RASGEF1C: variants seen among roughly 807,000 people sequenced by gnomAD.
RASGEF1C encodes the protein RasGEF domain family member 1C, also known as ras-GEF domain-containing family member 1C.
Under a neutral mutation model 58.1 loss-of-function variants are expected in RASGEF1C, and 27 were observed. The observed-to-expected ratio is 0.46, with a 90% CI of 0.34 to 0.64. RASGEF1C has a LOEUF of 0.64. RASGEF1C is among the 30% of genes least tolerant of loss of function. RASGEF1C has a pLI of 0.01. For synonymous variants in RASGEF1C, 243 were observed against 246.3 expected, an observed-to-expected ratio of 0.99 and a Z score of 0.13; for missense variants, 502 against 605.1, an observed-to-expected ratio of 0.83 and a Z score of 1.79.
intron 1 of RASGEF1C, among the ~76,000 whole-genome samples, chr5:180,192,422 C>T (rs1304485481): frequency 6.6e-6 from 1 of 152,152 alleles, no homozygotes; most frequent in African/African-American, 2.4e-5. Flanking sequence ...TAGGCTGACA[C>T]ATGTTGTGTT....
intron 1 of RASGEF1C, among the ~76,000 whole-genome samples, chr5:180,202,458 T>C (rs1313856434): frequency 6.6e-6 from 1 of 152,014 alleles, no homozygotes; most frequent in African/African-American, 2.4e-5. Context: ...GATTAAACTT[T>C]AAAAATAAAG....
chr5:180,205,539 C>T lies in RASGEF1C; in HGVS notation c.-7+3489G>A, dbSNP rs139570690. On this transcript the variant is annotated intron_variant, in intron 1 of 13. Coordinates refer to ENST00000361132, the MANE Select transcript of RASGEF1C (RefSeq NM_175062.4). ...ACAAGCCTAATATAAACTTAATACG[C>T]TCTCCTTCCCCGCCCGAACAGCAGC... 5.5e-4 allele frequency among the ~76,000 whole-genome samples: 83 copies of T among 152,166 alleles called. No homozygotes were observed. In the East Asian group the frequency reaches 0.014, roughly 25 times the overall value.
chr5:180,199,767 C>T lies in RASGEF1C; in HGVS notation c.-7+9261G>A, dbSNP rs543673081. Among the ~76,000 whole-genome samples the T allele has an allele frequency of 4.7e-5, 7 of 147,780 alleles. No individual in the cohort carries two copies. The South Asian group carries it at 6.8e-4, about 14-fold the overall frequency. Reference sequence around the variant, plus strand: ...GTAGCCTTGAACCCCTGACCTCAAGCGATTCTCCCACCACAGCCTCCCAAA... The same window carrying T: ...GTAGCCTTGAACCCCTGACCTCAAGTGATTCTCCCACCACAGCCTCCCAAA... On this transcript the variant is annotated intron_variant, in intron 1 of 13. Coordinates refer to ENST00000361132, the MANE Select transcript of RASGEF1C (RefSeq NM_175062.4).
At chr5:180,185,236 G>A (rs1327723470) in intron 1 of RASGEF1C, among the ~76,000 whole-genome samples, 1 of 150,984 alleles carries the variant, frequency 6.6e-6, no homozygotes, top group Non-Finnish European at 1.5e-5. Context: ...AGCTTGCAGT[G>A]AGCGAGATCG....
rs965363554 is a variant in RASGEF1C at position 180,207,668 on chromosome 5, C to T, written c.-7+1360G>A. Among the ~76,000 whole-genome samples, 62 of 151,778 alleles carry T rather than the reference C, an allele frequency of 4.1e-4. 1 individual carries two copies. Among genetic ancestry groups the T allele is most frequent in the Admixed American group, 4.1e-3 (62 of 15,256 alleles). ...CTCCTGCCCCGGCAGTGCGCCCACC[C>T]GCCGCCACGGGCAGCCTTTCGACGC... On this transcript the variant is annotated intron_variant, in intron 1 of 13. Transcript: ENST00000361132.
At chr5:180,121,306 T>C (rs1766163745) in intron 6 of RASGEF1C, among the ~76,000 whole-genome samples, 157 bp from the exon 7 acceptor site, 2 of 149,926 alleles carry the variant, frequency 1.3e-5, no homozygotes, top group Admixed American at 1.3e-4. Flanking sequence ...CTTTCAGTCC[T>C]CTTAAAAGTA....
At chr5:180,170,546 C>T (rs899899217) in intron 1 of RASGEF1C, among the ~76,000 whole-genome samples, 7 of 152,138 alleles carry the variant, frequency 4.6e-5, no homozygotes, top group Admixed American at 1.3e-4. Context: ...GCCTGGTCCT[C>T]GCCTGTCCCC....
chr5:180,142,107 G>A (rs1225131702), intron 1 of RASGEF1C, among the ~76,000 whole-genome samples: 1 of 152,142 alleles, frequency 6.6e-6, no homozygotes, highest in Non-Finnish European at 1.5e-5. Flanking sequence ...GGGCTGCATA[G>A]ATGGGCTGTC....
intron 1 of RASGEF1C, among the ~76,000 whole-genome samples, chr5:180,169,971 A>C (rs1036078996): frequency 9.9e-5 from 15 of 152,012 alleles, no homozygotes; most frequent in Middle Eastern, 3.4e-3. Context: ...TTCCGTGACC[A>C]CTGCTCCACA....
chr5:180,167,750 T>C (rs1050404453), intron 1 of RASGEF1C, among the ~76,000 whole-genome samples: 1 of 152,270 alleles, frequency 6.6e-6, no homozygotes, highest in African/African-American at 2.4e-5. Flanking sequence ...CTGTGCAGGT[T>C]GAGATTTTCC....
At chr5:180,118,555 C>T in intron 10 of RASGEF1C, 54 bp downstream of exon 10, 2 of 1,475,916 alleles carry the variant, frequency 1.4e-6, no homozygotes, top group South Asian at 2.6e-5. Context: ...AACTCTGAGC[C>T]AGCACCCAGG....
At chr5:180,174,472 ATGTG>A (rs746917701) in intron 1 of RASGEF1C, among the ~76,000 whole-genome samples, 1 of 104,330 alleles carries the variant, frequency 9.6e-6, no homozygotes, top group East Asian at 3.2e-4. Flanking sequence ...GTCTGTGTGT[ATGTG>A]TGTCTGTGTG....
Position 180,152,551 on chromosome 5 carries a change from C to T in RASGEF1C, c.-6-14493G>A, listed in dbSNP as rs1359896001. Among the ~76,000 whole-genome samples the T allele has an allele frequency of 5.3e-3, 529 of 100,762 alleles. 2 individuals are homozygous for T. Among genetic ancestry groups the T allele is most frequent in the African/African-American group, 0.014 (335 of 24,022 alleles). 66.1% of individuals were successfully genotyped at this position (100,762 alleles called of 152,430 possible). A position where few individuals can be genotyped will look rare whatever the true frequency, so the allele number is the denominator to read the frequency against. On this transcript the variant is annotated intron_variant, in intron 1 of 13. Transcript: ENST00000361132. ...ACACAGGAAGGGGAACATCACACAC[C>T]GGGGCCTGTTGTGGGGTGGGGGGAG...
chr5:180,208,996 C>CG (rs1756547127), intron 1 of RASGEF1C, 32 bp downstream of exon 1: 1 of 147,100 alleles, frequency 6.8e-6, no homozygotes, highest in Non-Finnish European at 1.5e-5. Context: ...TTGCCCGCAC[C>CG]GCCAGGTGTC....
intron 1 of RASGEF1C, among the ~76,000 whole-genome samples, chr5:180,166,995 T>C (rs1767033081): frequency 6.6e-6 from 1 of 152,210 alleles, no homozygotes; most frequent in Non-Finnish European, 1.5e-5. Context: ...ATTTTTTCTT[T>C]GACTTAATTT....
intron 1 of RASGEF1C, among the ~76,000 whole-genome samples, chr5:180,152,505 T>A (rs1411467353): frequency 7.3e-6 from 1 of 137,018 alleles, no homozygotes; most frequent in South Asian, 2.3e-4. Context: ...TAGGTGGGAA[T>A]TGAACAATGA....
At chr5:180,108,873 T>C (rs901295653) in intron 12 of RASGEF1C, among the ~76,000 whole-genome samples, 1 of 152,130 alleles carries the variant, frequency 6.6e-6, no homozygotes, top group Non-Finnish European at 1.5e-5. Context: ...CTCCACTTTT[T>C]TGGGGTTGTG....
chr5:180,181,450 T>C (rs1191233157), intron 1 of RASGEF1C, among the ~76,000 whole-genome samples: 1 of 152,092 alleles, frequency 6.6e-6, no homozygotes, highest in Non-Finnish European at 1.5e-5. Context: ...GCAAATGTAA[T>C]GAGTGAAGAG....
rs189179899 is a variant in RASGEF1C at position 180,180,931 on chromosome 5, C to T, written c.-7+28097G>A. On this transcript the variant is annotated intron_variant, in intron 1 of 13. Transcript: ENST00000361132. ...GCAAAGAAACACCAAGAGGGATCGC[C>T]GCATACAGCACTATCAATCAATGTT... Among the ~76,000 whole-genome samples the T allele has an allele frequency of 3.5e-4, 54 of 152,312 alleles. No homozygotes were observed. The East Asian group carries it at 5.2e-3, about 15-fold the overall frequency.
Sources: gnomAD v4.1 joint callset for allele counts (sites outside exome capture counted in the v4.1 genomes callset) on GRCh38, gnomAD v4.1.1 for gene constraint, MANE v1.5 for transcripts, NCBI Gene and HGNC (gene_info 2026-07-23, HGNC 2026-07-21) for gene names.